The following SLC9C1 variants were observed in gnomAD, a reference collection of about 807,000 sequenced individuals.
The protein encoded by SLC9C1 is solute carrier family 9 member C1, also known as sodium/hydrogen exchanger 10.
SLC9C1 carries 97 observed loss-of-function variants against 140.9 expected under a neutral mutation model. That is an observed-to-expected ratio of 0.69 (90% CI 0.58 to 0.82). The LOEUF is 0.82. Ranked by LOEUF, SLC9C1 falls within the 40% of genes least tolerant of loss-of-function variation. The probability of loss-of-function intolerance (pLI) is 0.00; values close to 1 mark genes in which losing one functional copy is unlikely to be tolerated. For missense variants in SLC9C1, 1,340 were observed against 1,389.3 expected (o/e 0.96, Z 0.56); for synonymous variants, 440 against 442.6 (o/e 0.99, Z 0.07).
At chr3:112,211,411 C>A (rs150585120) in intron 15 of SLC9C1, among the ~76,000 whole-genome samples, 29 of 152,238 alleles carry the variant, frequency 1.9e-4, no homozygotes, top group Admixed American at 3.9e-4. Context: ...GGCAAGGCAT[C>A]GCCTCATCTG....
chr3:112,221,574 T>TA (rs532799033), intron 13 of SLC9C1, among the ~76,000 whole-genome samples: 11 of 151,240 alleles, frequency 7.3e-5, no homozygotes, highest in Non-Finnish European at 1.0e-4. Context: ...AAACCTACAG[T>TA]AAAAAAAAAT....
chr3:112,243,700 T>A (rs1214981280), intron 11 of SLC9C1, among the ~76,000 whole-genome samples: 1 of 151,918 alleles, frequency 6.6e-6, no homozygotes, highest in Non-Finnish European at 1.5e-5. Context: ...ATTCTTTTTT[T>A]TTTTTTTTGA....
intron 8 of SLC9C1, 108 bp downstream of exon 8, chr3:112,266,130 C>T: frequency 1.2e-6 from 1 of 841,414 alleles, no homozygotes; most frequent in Non-Finnish European, 1.8e-6. Flanking sequence ...GGGTAGTTTT[C>T]AAGTCTTTGA....
chr3:112,202,161 A>C, intron 18 of SLC9C1, 89 bp downstream of exon 18: 2 of 1,394,266 alleles, frequency 1.4e-6, no homozygotes, highest in South Asian at 2.6e-5. Flanking sequence ...GGAGTCAAAG[A>C]CATCTGCATA....
chr3:112,278,562 A>C (rs1451423048), intron 4 of SLC9C1, among the ~76,000 whole-genome samples, 167 bp downstream of exon 4: 2 of 152,180 alleles, frequency 1.3e-5, no homozygotes, highest in African/African-American at 4.8e-5. Flanking sequence ...TATGCTAGGC[A>C]ATTGCCAAGA....
intron 20 of SLC9C1, chr3:112,185,498 C>A: frequency 1.2e-6 from 2 of 1,611,740 alleles, no homozygotes; most frequent in Admixed American, 3.3e-5. Context: ...GGCTGATGAT[C>A]TCTCCTTTTT....
At chr3:112,237,335 C>T (rs1419733342) in intron 12 of SLC9C1, among the ~76,000 whole-genome samples, 4 of 152,124 alleles carry the variant, frequency 2.6e-5, no homozygotes, top group Non-Finnish European at 5.9e-5. Flanking sequence ...TCCTCCATCC[C>T]TTTATTTTGA....
At chr3:112,146,687 T>C (rs141682771) in intron 28 of SLC9C1, among the ~76,000 whole-genome samples, 1 of 152,332 alleles carries the variant, frequency 6.6e-6, no homozygotes, top group African/African-American at 2.4e-5. Context: ...TTGGTATGAT[T>C]TTGATTCTTT....
intron 23 of SLC9C1, among the ~76,000 whole-genome samples, chr3:112,170,272 G>A (rs1462271238): frequency 1.3e-5 from 2 of 152,180 alleles, no homozygotes; most frequent in Admixed American, 1.3e-4. Context: ...CTATGCGTCT[G>A]ACAATGGACC....
intron 12 of SLC9C1, among the ~76,000 whole-genome samples, chr3:112,238,301 G>C (rs1576418807): frequency 6.6e-6 from 1 of 152,198 alleles, no homozygotes; most frequent in Non-Finnish European, 1.5e-5. Flanking sequence ...ATGGTTTTCA[G>C]CTCCATCAGG....
rs187553297 is a variant in SLC9C1 at position 112,183,201 on chromosome 3, T to C, written c.2524-943A>G. On this transcript the variant is annotated intron_variant, in intron 20 of 28. Coordinates refer to ENST00000305815, the MANE Select transcript of SLC9C1 (RefSeq NM_183061.3). ...CAAAGCACTCACATCAATTTACACT[T>C]CTACTCTAATGTTCCCGTTGTTCCA... Among the ~76,000 whole-genome samples, 23 of 152,302 alleles carry C rather than the reference T, an allele frequency of 1.5e-4. No individual in the cohort carries two copies. The East Asian group carries it at 4.4e-3, about 29-fold the overall frequency.
At chr3:112,159,061 C>T (rs1576226855) in intron 26 of SLC9C1, among the ~76,000 whole-genome samples, 1 of 151,314 alleles carries the variant, frequency 6.6e-6, no homozygotes, top group Non-Finnish European at 1.5e-5. Context: ...TTTGTTCTTG[C>T]TTTCAAGTTC....
At chr3:112,171,374 A>T (rs1295846939) in intron 23 of SLC9C1, among the ~76,000 whole-genome samples, 5 of 152,180 alleles carry the variant, frequency 3.3e-5, no homozygotes, top group African/African-American at 9.7e-5. Flanking sequence ...ATGATGGTGA[A>T]CATCTTCATG....
At chr3:112,266,097 A>T in intron 8 of SLC9C1, 141 bp downstream of exon 8, 1 of 614,354 alleles carries the variant, frequency 1.6e-6, no homozygotes, top group Non-Finnish European at 2.8e-6. Flanking sequence ...AGAAAAAATA[A>T]AATCTAGGAA....
intron 2 of SLC9C1, 128 bp downstream of exon 2, chr3:112,286,576 T>C (rs7621431): frequency 0.7 from 466,722 of 665,384 alleles, 166,171 homozygotes; most frequent in East Asian, 1. Context: ...ATTGAAAATA[T>C]TGAGCTAAAG....
rs1359728535 is a variant in SLC9C1, at chr3:112,155,030, T to G, written c.3384A>C (p.Glu1128Asp). The change falls in exon 27 of 29, where the codon GAA becomes GAC. Residue 1128 changes from glutamate (E) to aspartate (D), a missense_variant. Physicochemically the swap from Glu to Asp is conservative, Grantham distance 45 (BLOSUM62 2). Transcript: ENST00000305815. ...CATTTCTTTCTTCTTGAATGCCTTC[T>G]TCCAATGTTCCAACTGAACCTGATT... is the stretch of plus-strand genomic sequence containing the variant. ...PGLIGSVGTL[E>D]EGIQEERNVK... The G allele has an allele frequency of 3.7e-6, 6 of 1,605,132 alleles. No individual in the cohort carries two copies. The highest frequency in any genetic ancestry group is 1.4e-5 in the African/African-American group (1 of 73,300).
Position 112,277,714 on chromosome 3 carries a change from T to G in SLC9C1, c.465A>C (p.Ala155=), listed in dbSNP as rs1370593027. Residue 155 remains alanine, a synonymous_variant, in exon 5 of 29, where the codon GCA becomes GCC. Transcript: ENST00000305815. The part of the protein sequence containing the change: ...ILVSSDPMLT[A]AAIRDLGLSR... Reference sequence around the variant, plus strand: ...ACCTACCAAGGTCTCTTATAGCAGCTGCGGTTAGCATGGGATCTGAACTCA... The same window carrying G: ...ACCTACCAAGGTCTCTTATAGCAGCGGCGGTTAGCATGGGATCTGAACTCA... 1.3e-6 allele frequency: 2 copies of G among 1,594,648 alleles called. No homozygotes were observed. The highest frequency in any genetic ancestry group is 2.7e-5 in the African/African-American group (2 of 73,848).
Position 112,266,585 on chromosome 3 carries a change from A to G in SLC9C1, c.776-245T>C, listed in dbSNP as rs1249185374. 2.6e-5 allele frequency among the ~76,000 whole-genome samples: 4 copies of G among 152,216 alleles called. No homozygotes were observed. In the East Asian group the frequency reaches 7.7e-4, roughly 29 times the overall value. On this transcript the variant is annotated intron_variant, in intron 7 of 28. Transcript: ENST00000305815. Reference sequence around the variant, plus strand: ...TGGGCATCTTTGCACTGCTTCGCATACCCCATTGAGGCTAGAGCACACTTT... The same window carrying G: ...TGGGCATCTTTGCACTGCTTCGCATGCCCCATTGAGGCTAGAGCACACTTT...
At chr3:112,279,070 A>C in intron 3 of SLC9C1, 1 of 419,316 alleles carries the variant, frequency 2.4e-6, no homozygotes, top group Non-Finnish European at 4.2e-6. Context: ...ACGGATAGAG[A>C]CTGGAAAGTT....
Sources: gnomAD v4.1 joint callset for allele counts (sites outside exome capture counted in the v4.1 genomes callset) on GRCh38, gnomAD v4.1.1 for gene constraint, MANE v1.5 for transcripts, NCBI Gene and HGNC (gene_info 2026-07-23, HGNC 2026-07-21) for gene names.